The following EYA4 variants were observed in gnomAD, a reference collection of about 807,000 sequenced individuals.
EYA4 encodes EYA transcriptional coactivator and phosphatase 4.
A neutral mutation model predicts 87.9 loss-of-function variants in EYA4; 31 were observed. The ratio of observed to expected loss-of-function variants is 0.35; its 90% confidence interval spans 0.27 to 0.48. The LOEUF (loss-of-function observed/expected upper bound fraction) is 0.48, where lower values mean the gene tolerates loss of function less well. EYA4 is among the 20% of genes least tolerant of loss of function. The pLI is 0.99. For synonymous variants in EYA4, 263 were observed against 270.6 expected, an observed-to-expected ratio of 0.97 and a Z score of 0.28; for missense variants, 678 against 761.4, an observed-to-expected ratio of 0.89 and a Z score of 1.29.
intron 5 of EYA4, among the ~76,000 whole-genome samples, chr6:133,455,111 A>G (rs577631818): frequency 2.6e-5 from 4 of 152,202 alleles, no homozygotes; most frequent in Non-Finnish European, 5.9e-5. Flanking sequence ...CAAGCTCTCA[A>G]TAAGTATTAG....
intron 3 of EYA4, among the ~76,000 whole-genome samples, chr6:133,395,631 C>G (rs918012289): frequency 6.6e-6 from 1 of 152,054 alleles, no homozygotes; most frequent in Non-Finnish European, 1.5e-5. Flanking sequence ...CGTGGTGTTG[C>G]GTGCCTGTAG....
At chr6:133,430,755 C>CA (rs919057691) in intron 3 of EYA4, among the ~76,000 whole-genome samples, 73 of 152,318 alleles carry the variant, frequency 4.8e-4, no homozygotes, top group African/African-American at 1.6e-3. Context: ...ATACATTCAA[C>CA]AAGTGTTCAT....
At chr6:133,334,767 A>G (rs1315686062) in intron 2 of EYA4, among the ~76,000 whole-genome samples, 8 of 152,228 alleles carry the variant, frequency 5.3e-5, no homozygotes, top group Admixed American at 5.2e-4. Context: ...TTAAGGCTGT[A>G]TTATGTACTC....
chr6:133,342,995 G>A (rs565113510), intron 2 of EYA4, among the ~76,000 whole-genome samples: 7 of 152,146 alleles, frequency 4.6e-5, no homozygotes, highest in South Asian at 2.1e-4. Context: ...TTATAGAGAC[G>A]TGAACAGTTG....
intron 3 of EYA4, among the ~76,000 whole-genome samples, chr6:133,404,788 C>G (rs978835715): frequency 6.6e-6 from 1 of 152,204 alleles, no homozygotes. Context: ...TCACGTGTAG[C>G]CCTGCCTCAT....
At chr6:133,384,485 T>A (rs1786523155) in intron 3 of EYA4, among the ~76,000 whole-genome samples, 1 of 152,136 alleles carries the variant, frequency 6.6e-6, no homozygotes, top group African/African-American at 2.4e-5. Flanking sequence ...GCAAATCAAT[T>A]TCTAAGAACT....
chr6:133,287,495 A>G (rs1778156267), intron 2 of EYA4, among the ~76,000 whole-genome samples: 1 of 151,898 alleles, frequency 6.6e-6, no homozygotes, highest in African/African-American at 2.4e-5. Context: ...CTCTGTGGGC[A>G]TGAGGTTGTG....
intron 10 of EYA4, 69 bp from the exon 11 acceptor site, chr6:133,468,497 T>A: frequency 1.6e-6 from 2 of 1,260,784 alleles, no homozygotes; most frequent in African/African-American, 1.5e-5. Context: ...CCATAATGAC[T>A]GGTTTTCTTG....
intron 13 of EYA4, among the ~76,000 whole-genome samples, chr6:133,498,457 A>T (rs1337551611): frequency 1.3e-5 from 2 of 152,168 alleles, no homozygotes; most frequent in Non-Finnish European, 2.9e-5. Flanking sequence ...AGTAAGCATA[A>T]CCTATTTATT....
At chr6:133,325,483 T>C (rs908362123) in intron 2 of EYA4, 4 of 152,202 alleles carry the variant, frequency 2.6e-5, no homozygotes, top group African/African-American at 9.7e-5. Context: ...ATCATCTTAT[T>C]GGTGTAAACC....
intron 2 of EYA4, among the ~76,000 whole-genome samples, chr6:133,342,331 G>C (rs932974815): frequency 6.8e-6 from 1 of 146,330 alleles, no homozygotes; most frequent in Non-Finnish European, 1.5e-5. Flanking sequence ...TGGAAAGGGA[G>C]GGTCCAGTAC....
chr6:133,530,808 CA>C lies in EYA4; in HGVS notation c.*2004del. 1.0e-6 allele frequency: 1 copy of C among 990,458 alleles called. No homozygotes were observed. Among genetic ancestry groups the C allele is most frequent in the Non-Finnish European group, 1.2e-6 (1 of 832,746 alleles). The allele number at this position is 990,458 out of a possible 1,614,324, so 61.4% of individuals were successfully genotyped here. On this transcript the variant is annotated 3_prime_UTR_variant, in exon 20 of 20. Coordinates refer to ENST00000355286, the MANE Select transcript of EYA4 (RefSeq NM_004100.5). Reference sequence around the variant, plus strand: ...GCTGCATCTGCCCCAAGTACTATTCCAGGCAAATTAAAGTTGGAATACCTTT... The same window carrying C: ...GCTGCATCTGCCCCAAGTACTATTCCGGCAAATTAAAGTTGGAATACCTTT...
chr6:133,275,023 A>AT (rs1235493556), intron 2 of EYA4, among the ~76,000 whole-genome samples: 4 of 151,846 alleles, frequency 2.6e-5, no homozygotes, highest in African/African-American at 9.7e-5. Context: ...GTCTTCTTTG[A>AT]TTTTCTACTT....
At chr6:133,442,487 A>T (rs1210377641) in intron 3 of EYA4, among the ~76,000 whole-genome samples, 1 of 152,012 alleles carries the variant, frequency 6.6e-6, no homozygotes, top group African/African-American at 2.4e-5. Flanking sequence ...GGTTTTTTTT[A>T]GTTAATATTT....
chr6:133,358,286 T>C (rs975383348), intron 2 of EYA4, among the ~76,000 whole-genome samples: 4 of 152,218 alleles, frequency 2.6e-5, no homozygotes, highest in African/African-American at 9.6e-5. Context: ...AGTTTGAATC[T>C]TGACTGTTGA....
In EYA4 at chr6:133,483,079, A is replaced by T; in HGVS notation, c.1155A>T (p.Ser385=). 6.2e-7 allele frequency: 1 copy of T among 1,613,314 alleles called. No individual in the cohort carries two copies. The highest frequency in any genetic ancestry group is 8.5e-7 in the Non-Finnish European group (1 of 1,179,508). ...DLDETIIVFH[S]LLTGSYAQKY... ...ATGAAACCATCATTGTTTTTCACTCACTGCTCACCGGGTCTTATGCACAGA... is the reference window on the plus strand; with the variant it reads ...ATGAAACCATCATTGTTTTTCACTCTCTGCTCACCGGGTCTTATGCACAGA... Residue 385 remains serine (S), a synonymous_variant, in exon 13 of 20, where the codon TCA becomes TCT. Coordinates refer to ENST00000355286, the MANE Select transcript of EYA4 (RefSeq NM_004100.5).
intron 13 of EYA4, among the ~76,000 whole-genome samples, chr6:133,498,557 A>G (rs1000340365): frequency 1.3e-5 from 2 of 152,206 alleles, no homozygotes; most frequent in Admixed American, 6.5e-5. Context: ...ACCTCATAAT[A>G]TGAGTCAGTC....
At chr6:133,466,851 G>A (rs1237739633) in intron 10 of EYA4, among the ~76,000 whole-genome samples, 1 of 151,954 alleles carries the variant, frequency 6.6e-6, no homozygotes, top group Non-Finnish European at 1.5e-5. Flanking sequence ...ATAGGCGGGG[G>A]CCTGCTCACG....
intron 5 of EYA4, 60 bp downstream of exon 5, chr6:133,448,239 G>T: frequency 8.4e-7 from 1 of 1,189,702 alleles, no homozygotes; most frequent in Non-Finnish European, 1.3e-6. Flanking sequence ...CCTCTGGATT[G>T]CTGTCTGTTG....
Sources: allele counts gnomAD v4.1 joint callset (sites outside exome capture counted in the v4.1 genomes callset), GRCh38; gene constraint gnomAD v4.1.1; transcripts MANE v1.5; gene names NCBI Gene and HGNC (gene_info 2026-07-23, HGNC 2026-07-21).